The following PTPN5 variants were observed in gnomAD, a reference collection of about 807,000 sequenced individuals.
PTPN5 encodes the protein protein tyrosine phosphatase non-receptor type 5.
In PTPN5, 29 loss-of-function variants were observed where a neutral mutation model predicts 73.9. The ratio of observed to expected loss-of-function variants is 0.39; its 90% CI spans 0.29 to 0.54. The LOEUF (loss-of-function observed/expected upper bound fraction) is 0.54. Ranked by LOEUF, PTPN5 falls within the 20% of genes least tolerant of loss-of-function variation. PTPN5 has a pLI of 0.65. For missense variants in PTPN5, 652 were observed against 751.4 expected (o/e 0.87, Z 1.55); for synonymous variants, 267 against 304.7 (o/e 0.88, Z 1.29).
intron 3 of PTPN5, among the ~76,000 whole-genome samples, chr11:18,765,381 G>A (rs1259047154): frequency 3.9e-5 from 6 of 152,040 alleles, no homozygotes; most frequent in Non-Finnish European, 7.4e-5. Flanking sequence ...CCCTCAAGCC[G>A]GGCTTCTCAA....
rs1385206347 is a variant in PTPN5, at chr11:18,742,408, G to A, written c.579C>T (p.Tyr193=). ...QSVSRQPSFT[Y]SEWMEEKIED... is the part of the protein sequence containing the mutation. ...CGATCTTCTCCTCCATCCACTCTGA[G>A]TAGGTGAAGGAGGGCTGGCGGCTCA... The change falls in exon 7 of 15, where the codon TAC becomes TAT. Residue 193 remains tyrosine (Y), a synonymous_variant. Coordinates refer to ENST00000358540, the MANE Select transcript of PTPN5 (RefSeq NM_006906.2). The surrounding 1 kb of genome is among the most constrained non-coding windows in gnomAD (Gnocchi z 4.1). 1.2e-6 allele frequency: 2 copies of A among 1,614,200 alleles called. No individual in the cohort carries two copies. The highest frequency in any genetic ancestry group is 1.7e-6 in the Non-Finnish European group (2 of 1,180,028).
rs969282748 is a variant in PTPN5, at chr11:18,729,586, G to A, written c.1491-20C>T. 2.5e-6 allele frequency: 4 copies of A among 1,572,320 alleles called. No individual in the cohort carries two copies. The highest frequency in any genetic ancestry group is 3.5e-6 in the Non-Finnish European group (4 of 1,155,026). Reference sequence around the variant, plus strand: ...CCTGCACTGAGGGCCGAGGGGACCGGTGGGGTGAGGGGCAGGGCAGCCCAG... The same window carrying A: ...CCTGCACTGAGGGCCGAGGGGACCGATGGGGTGAGGGGCAGGGCAGCCCAG... On this transcript the variant is annotated intron_variant, in intron 13 of 14. Coordinates refer to ENST00000358540, the MANE Select transcript of PTPN5 (RefSeq NM_006906.2). This position sits in a 1 kb window ranked among gnomAD's most constrained non-coding sequence, Gnocchi z 5.2.
intron 3 of PTPN5, among the ~76,000 whole-genome samples, chr11:18,760,071 G>A (rs1850323299): frequency 6.6e-6 from 1 of 152,108 alleles, no homozygotes; most frequent in Non-Finnish European, 1.5e-5. Context: ...TTGCAAAATG[G>A]CTGTACCCTT....
chr11:18,746,517 C>T (rs2134238686), intron 3 of PTPN5, among the ~76,000 whole-genome samples: 1 of 152,144 alleles, frequency 6.6e-6, no homozygotes, highest in South Asian at 2.1e-4. Flanking sequence ...TTAGATACTA[C>T]AGACGAAACA....
At chr11:18,739,385 G>A (rs1237705927) in intron 8 of PTPN5, among the ~76,000 whole-genome samples, 1 of 152,186 alleles carries the variant, frequency 6.6e-6, no homozygotes, top group Admixed American at 6.5e-5. Context: ...AGAGGCATCT[G>A]GAGTGAGTGA....
chr11:18,756,697 C>A (rs1488841049), intron 3 of PTPN5, among the ~76,000 whole-genome samples: 1 of 151,670 alleles, frequency 6.6e-6, no homozygotes, highest in Non-Finnish European at 1.5e-5. Flanking sequence ...CCGAGGCGGG[C>A]GGATCATGAG....
chr11:18,744,062 T>C lies in PTPN5; in HGVS notation c.235A>G (p.Ser79Gly). 6.2e-7 allele frequency: 1 copy of C among 1,609,184 alleles called. No homozygotes were observed. The highest frequency in any genetic ancestry group is 8.5e-7 in the Non-Finnish European group (1 of 1,178,010). Residue 79 changes from serine (S) to glycine (G), a missense_variant, in exon 4 of 15, where the codon AGC becomes GGC. Ser to Gly is a moderately conservative substitution (Grantham distance 56, BLOSUM62 0). Transcript: ENST00000358540. The stretch of plus-strand genomic sequence containing the variant: ...CTGCTCCTGACAGTGAGGGAGTGGC[T>C]CCCAGCGCCTCGAGGTGGTGGCTTC... ...AQKPPPRGAG[S>G]HSLTVRSSLC...
At chr11:18,748,186 C>T (rs1849723883) in intron 3 of PTPN5, among the ~76,000 whole-genome samples, 1 of 152,188 alleles carries the variant, frequency 6.6e-6, no homozygotes, top group Non-Finnish European at 1.5e-5. Context: ...TAAATGCATA[C>T]ACTAGGATGT....
At chr11:18,739,922 A>C (rs1477149102) in intron 8 of PTPN5, among the ~76,000 whole-genome samples, 1 of 152,174 alleles carries the variant, frequency 6.6e-6, no homozygotes, top group Non-Finnish European at 1.5e-5. Context: ...TGGAGGGTGG[A>C]AAGTGCATGT....
At chr11:18,751,900 C>T (rs1849905169) in intron 3 of PTPN5, among the ~76,000 whole-genome samples, 1 of 152,092 alleles carries the variant, frequency 6.6e-6, no homozygotes, top group Non-Finnish European at 1.5e-5. Context: ...GTGAAGGTGG[C>T]AGAAGTGATG....
intron 4 of PTPN5, 73 bp from the exon 5 acceptor site, chr11:18,743,502 G>T: frequency 1.5e-6 from 2 of 1,377,638 alleles, no homozygotes; most frequent in Non-Finnish European, 2.1e-6. Flanking sequence ...GAGCTCACCT[G>T]CAGCCTCAAC....
Position 18,743,347 on chromosome 11 carries a change from G to A in PTPN5, c.374C>T (p.Thr125Met), listed in dbSNP as rs755061119. The change falls in exon 5 of 15, where the codon ACG (threonine) becomes ATG (methionine). Residue 125 changes from threonine to methionine, a missense_variant. Physicochemically the swap from Thr to Met is moderately conservative, Grantham distance 81 (BLOSUM62 -1). Around this residue, in one of 3 missense-constraint regions of PTPN5, gnomAD observed 529 missense variants for 573.9 expected, o/e 0.92. Coordinates refer to ENST00000358540, the MANE Select transcript of PTPN5 (RefSeq NM_006906.2). ...NATNLVSSLL[T>M]LLKQLEPTAW... is the part of the protein sequence containing the mutation. ...CGTGGGTTCCAGCTGTTTCAGGAGC[G>A]TCAGCAAAGAGGAGACGAGGTTTGT... is the stretch of plus-strand genomic sequence containing the variant. 8.7e-6 allele frequency: 14 copies of A among 1,614,154 alleles called. No individual in the cohort carries two copies. The Admixed American group carries it at 1.0e-4, about 12-fold the overall frequency.
At chr11:18,769,804 T>A (rs943907969) in intron 2 of PTPN5, among the ~76,000 whole-genome samples, 1 of 152,188 alleles carries the variant, frequency 6.6e-6, no homozygotes, top group African/African-American at 2.4e-5. Context: ...AGGCCCAAGA[T>A]GTGTGGAACA....
At chr11:18,770,855 A>G (rs904486987) in intron 2 of PTPN5, among the ~76,000 whole-genome samples, 4 of 152,212 alleles carry the variant, frequency 2.6e-5, no homozygotes, top group African/African-American at 7.2e-5. Context: ...GTTCACGGCC[A>G]GTGCAGAAGA....
In PTPN5 at chr11:18,729,797, G is replaced by A; in HGVS notation, c.1351C>T (p.Leu451=). The part of the protein sequence containing the change: ...SLKSGTEERG[L]KHYWFTSWPD... Reference sequence around the variant, plus strand: ...CAGGATGTGAACCAGTAATGCTTCAGGCCTCGCTCCTCAGTCCCACTCTGT... The same window carrying A: ...CAGGATGTGAACCAGTAATGCTTCAAGCCTCGCTCCTCAGTCCCACTCTGT... Residue 451 remains leucine, a synonymous_variant, in exon 13 of 15, where the codon CTG becomes TTG. Coordinates refer to ENST00000358540, the MANE Select transcript of PTPN5 (RefSeq NM_006906.2). This position sits in a 1 kb window ranked among gnomAD's most constrained non-coding sequence, Gnocchi z 5.2. The A allele has an allele frequency of 1.2e-6, 2 of 1,613,920 alleles. No homozygotes were observed. The highest frequency in any genetic ancestry group is 1.7e-6 in the Non-Finnish European group (2 of 1,179,862).
At chr11:18,771,843 A>T in intron 2 of PTPN5, 96 bp downstream of exon 2, 1 of 1,026,434 alleles carries the variant, frequency 9.7e-7, no homozygotes, top group East Asian at 2.5e-5. Flanking sequence ...TGAACACCTC[A>T]TGAGAATGGG....
chr11:18,738,929 A>G (rs1849240301), intron 8 of PTPN5, among the ~76,000 whole-genome samples: 1 of 148,430 alleles, frequency 6.7e-6, no homozygotes, highest in African/African-American at 2.5e-5. Flanking sequence ...ACAAGATCGC[A>G]CCACTGCACT....
At chr11:18,784,698 CA>C (rs1356884657) in intron 1 of PTPN5, among the ~76,000 whole-genome samples, 3 of 152,060 alleles carry the variant, frequency 2.0e-5, no homozygotes, top group African/African-American at 7.2e-5. Context: ...CCACACCAAA[CA>C]AACAAAACAC....
At position 18,728,040 on chromosome 11, in the gene PTPN5, T is replaced by TA. The variant is rs1280748621; in HGVS notation, c.*893dup. The TA allele has an allele frequency of 6.6e-6, 1 of 152,596 alleles. No homozygotes were observed. The highest frequency in any genetic ancestry group is 1.5e-5 in the Non-Finnish European group (1 of 68,038). The allele number at this position is 152,596 out of a possible 1,614,324, so 9.5% of individuals were successfully genotyped here. ...TGGGATAAATATTTAAAGTCAGCAA[T>TA]AAAAACACGTGGCTCCAAGATAATA... is the stretch of plus-strand genomic sequence containing the variant. On this transcript the variant is annotated 3_prime_UTR_variant, in exon 15 of 15. Coordinates refer to ENST00000358540, the MANE Select transcript of PTPN5 (RefSeq NM_006906.2). This position sits in a 1 kb window ranked among gnomAD's most constrained non-coding sequence, Gnocchi z 4.1.
Sources: allele counts gnomAD v4.1 joint callset (sites outside exome capture counted in the v4.1 genomes callset), GRCh38; gene constraint gnomAD v4.1.1; regional missense constraint gnomAD v4.1.1; non-coding constraint Gnocchi (gnomAD v3.1); transcripts MANE v1.5; gene names NCBI Gene and HGNC (gene_info 2026-07-23, HGNC 2026-07-21).